The following IQCH variants were observed in gnomAD, a reference collection of about 807,000 sequenced individuals.
The protein encoded by IQCH is IQ domain-containing protein H.
In IQCH, 98 loss-of-function variants were observed where a neutral mutation model predicts 117.0. The observed-to-expected ratio is 0.84, with a 90% CI of 0.71 to 0.99. The LOEUF (loss-of-function observed/expected upper bound fraction) is 0.99, where lower values mean the gene tolerates loss of function less well. IQCH is among the 50% of genes least tolerant of loss of function. The pLI is 0.00. For missense variants in IQCH, 1,102 were observed against 1,243.8 expected, an observed-to-expected ratio of 0.89 and a Z score of 1.72; for synonymous variants, 412 against 448.2, an observed-to-expected ratio of 0.92 and a Z score of 1.02.
chr15:67,294,894 G>T (rs574898017), intron 4 of IQCH, among the ~76,000 whole-genome samples: 35 of 152,260 alleles, frequency 2.3e-4, no homozygotes, highest in Non-Finnish European at 3.7e-4. Flanking sequence ...CAAAACACAA[G>T]TCTGGTTAAA....
intron 17 of IQCH, among the ~76,000 whole-genome samples, chr15:67,468,786 C>T (rs1412662617): frequency 6.6e-6 from 1 of 152,124 alleles, no homozygotes; most frequent in African/African-American, 2.4e-5. Flanking sequence ...TTGGAAGCTC[C>T]TTTTTTAAGT....
chr15:67,286,702 C>T (rs756283469), intron 4 of IQCH, among the ~76,000 whole-genome samples: 78 of 152,084 alleles, frequency 5.1e-4, no homozygotes, highest in Non-Finnish European at 8.8e-4. Flanking sequence ...CTCTGCTTCC[C>T]AGGTTCAAAT....
Position 67,421,471 on chromosome 15 carries a change from C to T in IQCH, c.2399C>T (p.Thr800Ile), listed in dbSNP as rs1255734578. ...ACCTCAGTGGATCCCCAAGTTCTCA[C>T]TTATTTGTGCCTCCAAATTGGAAAA... ...PQTSVDPQVLTYLCLQIGKAC... is the reference protein window; with the variant it reads ...PQTSVDPQVLIYLCLQIGKAC... The change falls in exon 16 of 21, where the codon ACT becomes ATT. Residue 800 changes from threonine to isoleucine, a missense_variant. Transcript: ENST00000335894. 1.9e-6 allele frequency: 3 copies of T among 1,614,166 alleles called. No homozygotes were observed. Among genetic ancestry groups the T allele is most frequent in the South Asian group, 2.2e-5 (2 of 91,080 alleles).
rs565416027 is a variant in IQCH, at chr15:67,468,540, T to C, written c.2676+3243T>C. ...CACTCATTAGAGTTAGGATACATTA[T>C]CTTCTAGACAGATGAGGCTAAATAA... On this transcript the variant is annotated intron_variant, in intron 17 of 20. Transcript: ENST00000335894. Among the ~76,000 whole-genome samples the C allele has an allele frequency of 3.9e-5, 6 of 152,338 alleles. No homozygotes were observed. The East Asian group carries it at 1.2e-3, about 29-fold the overall frequency.
chr15:67,363,614 G>C (rs961285019), intron 8 of IQCH, among the ~76,000 whole-genome samples: 3 of 152,078 alleles, frequency 2.0e-5, no homozygotes, highest in African/African-American at 7.2e-5. Context: ...GTATTAATAA[G>C]CTGTGTGTCA....
intron 3 of IQCH, among the ~76,000 whole-genome samples, chr15:67,266,520 G>A (rs1567049223): frequency 1.3e-5 from 2 of 152,150 alleles, no homozygotes; most frequent in Admixed American, 6.5e-5. Context: ...AGCCAGGCGT[G>A]GTGGCAGGCG....
intron 18 of IQCH, among the ~76,000 whole-genome samples, chr15:67,480,643 G>T (rs193279603): frequency 1.3e-5 from 2 of 152,140 alleles, no homozygotes; most frequent in African/African-American, 4.8e-5. Flanking sequence ...TTTGGTACTG[G>T]CTTGGTAGTC....
Position 67,432,398 on chromosome 15 carries a change from C to G in IQCH, c.2505+10821C>G, listed in dbSNP as rs1377600095. The stretch of plus-strand genomic sequence containing the variant: ...ATAAAAAAAAATCTGAAAATATTTT[C>G]ATTGCAATGGCAATGGGTTCTGGCC... On this transcript the variant is annotated intron_variant, in intron 16 of 20. Transcript: ENST00000335894. This position sits in a 1 kb window ranked among gnomAD's most constrained non-coding sequence, Gnocchi z 5.0. Among the ~76,000 whole-genome samples the G allele has an allele frequency of 6.6e-6, 1 of 152,132 alleles. No individual in the cohort carries two copies. Among genetic ancestry groups the G allele is most frequent in the African/African-American group, 2.4e-5 (1 of 41,428 alleles).
rs368206714 is a variant in IQCH at position 67,443,031 on chromosome 15, C to T, written c.2505+21454C>T. ...TTTTTGAGATGGAGTCTTGCTGTTT[C>T]GCCCAGTCCAGAGTGCAGTGGTGCG... On this transcript the variant is annotated intron_variant, in intron 16 of 20. Coordinates refer to ENST00000335894, the MANE Select transcript of IQCH (RefSeq NM_001031715.3). This position sits in a 1 kb window ranked among gnomAD's most constrained non-coding sequence, Gnocchi z 5.0. 1.6e-4 allele frequency among the ~76,000 whole-genome samples: 24 copies of T among 150,540 alleles called. 2 individuals are homozygous for T. The highest frequency in any genetic ancestry group is 4.0e-4 in the Admixed American group (6 of 15,112).
intron 16 of IQCH, among the ~76,000 whole-genome samples, chr15:67,461,835 T>C (rs1364243187): frequency 6.6e-6 from 1 of 152,170 alleles, no homozygotes; most frequent in Non-Finnish European, 1.5e-5. Context: ...TGAGGTTGAA[T>C]AGAACAATTA....
chr15:67,376,647 G>C lies in IQCH; in HGVS notation c.1372+3214G>C, dbSNP rs1479905590. Among the ~76,000 whole-genome samples the C allele has an allele frequency of 6.6e-6, 1 of 152,136 alleles. No individual in the cohort carries two copies. Among genetic ancestry groups the C allele is most frequent in the Non-Finnish European group, 1.5e-5 (1 of 68,028 alleles). On this transcript the variant is annotated intron_variant, in intron 10 of 20. Coordinates refer to ENST00000335894, the MANE Select transcript of IQCH (RefSeq NM_001031715.3). This position sits in a 1 kb window ranked among gnomAD's most constrained non-coding sequence, Gnocchi z 5.0. ...TAATATATTGTAGTTGTAAGCATTT[G>C]GTTATTTATGCAGTTTTGCACACAT...
intron 4 of IQCH, among the ~76,000 whole-genome samples, chr15:67,335,892 G>T (rs1415933338): frequency 1.3e-5 from 2 of 152,128 alleles, no homozygotes; most frequent in Non-Finnish European, 2.9e-5. Flanking sequence ...CTAACCCTTT[G>T]TCCAGACATT....
chr15:67,317,964 G>A (rs901467272), intron 4 of IQCH, among the ~76,000 whole-genome samples: 3 of 152,126 alleles, frequency 2.0e-5, no homozygotes, highest in Non-Finnish European at 4.4e-5. Context: ...TGAACCCAAG[G>A]CCCAGGTAGT....
intron 4 of IQCH, among the ~76,000 whole-genome samples, chr15:67,289,949 C>A (rs1046864102): frequency 6.6e-6 from 1 of 152,082 alleles, no homozygotes; most frequent in African/African-American, 2.4e-5. Flanking sequence ...AGTCTAGATT[C>A]TTCCAAATCA....
chr15:67,279,659 T>C (rs1966270327), intron 4 of IQCH, 147 bp downstream of exon 4: 3 of 527,426 alleles, frequency 5.7e-6, no homozygotes, highest in African/African-American at 2.0e-5. Flanking sequence ...GTGGTGATGA[T>C]TGCACTACTC....
In IQCH at chr15:67,500,674, G is replaced by A; in HGVS notation, c.3012G>A (p.Lys1004=). The change falls in exon 21 of 21, where the codon AAG becomes AAA. Residue 1004 remains lysine (K), a synonymous_variant. Coordinates refer to ENST00000335894, the MANE Select transcript of IQCH (RefSeq NM_001031715.3). The surrounding 1 kb of genome is among the most constrained non-coding windows in gnomAD (Gnocchi z 4.4). ...TTGAAACTATTCTAAGAGTAACAAA[G>A]GAAAACAAAATGAGATTTGAAGAGG... ...ADIETILRVT[K]ENKMRFEEEQ... The A allele has an allele frequency of 6.2e-7, 1 of 1,604,264 alleles. No individual in the cohort carries two copies. Among genetic ancestry groups the A allele is most frequent in the Non-Finnish European group, 8.5e-7 (1 of 1,172,948 alleles).
At position 67,313,473 on chromosome 15, in the gene IQCH, C is replaced by G. The variant is rs111449014; in HGVS notation, c.388-23502C>G. ...GTTCCTTGTGGAACCACTAGTCTCTCAAGGATCAATGTAATTGATGGATGG... is the reference window on the plus strand; with the variant it reads ...GTTCCTTGTGGAACCACTAGTCTCTGAAGGATCAATGTAATTGATGGATGG... On this transcript the variant is annotated intron_variant, in intron 4 of 20. Transcript: ENST00000335894. 2.0e-5 allele frequency among the ~76,000 whole-genome samples: 3 copies of G among 152,166 alleles called. 1 individual carries two copies. The highest frequency in any genetic ancestry group is 7.2e-5 in the African/African-American group (3 of 41,514).
rs553787876 is a variant in IQCH at position 67,431,273 on chromosome 15, C to T, written c.2505+9696C>T. ...AAACAAATAGATTGGCAAAGATGCT[C>T]TATATGAAAATTCCCAAATTAAAAA... On this transcript the variant is annotated intron_variant, in intron 16 of 20. Transcript: ENST00000335894. The surrounding 1 kb of genome is among the most constrained non-coding windows in gnomAD (Gnocchi z 4.8). 6.6e-6 allele frequency among the ~76,000 whole-genome samples: 1 copy of T among 152,186 alleles called. No homozygotes were observed. The highest frequency in any genetic ancestry group is 1.5e-5 in the Non-Finnish European group (1 of 68,032).
At position 67,395,541 on chromosome 15, in the gene IQCH, A is replaced by C. The variant is rs1971437198; in HGVS notation, c.1883A>C (p.Tyr628Ser). 1.2e-6 allele frequency: 2 copies of C among 1,613,800 alleles called. No individual in the cohort carries two copies. ...SANVAVPPGI[Y>S]DIYSQQQMIE... The stretch of plus-strand genomic sequence containing the variant: ...AATGTGGCAGTTCCTCCTGGAATAT[A>C]TGATATTTATAGTCAGCAACAGGTA... The change falls in exon 13 of 21, where the codon TAT (tyrosine) becomes TCT (serine). Residue 628 changes from tyrosine to serine, a missense_variant. Coordinates refer to ENST00000335894, the MANE Select transcript of IQCH (RefSeq NM_001031715.3). This position sits in a 1 kb window ranked among gnomAD's most constrained non-coding sequence, Gnocchi z 4.0.
Sources: gnomAD v4.1 joint callset for allele counts (sites outside exome capture counted in the v4.1 genomes callset) on GRCh38, gnomAD v4.1.1 for gene constraint, Gnocchi (gnomAD v3.1) non-coding constraint, MANE v1.5 for transcripts, NCBI Gene and HGNC (gene_info 2026-07-23, HGNC 2026-07-21) for gene names.